ASB5: variants seen among roughly 807,000 people sequenced by gnomAD.
The protein encoded by ASB5 is ankyrin repeat and SOCS box protein 5.
In ASB5, 45 loss-of-function variants were observed where a neutral mutation model predicts 42.1. The observed-to-expected ratio is 1.07, with a 90% CI of 0.84 to 1.37. The LOEUF is 1.37. ASB5 is among the 40% of genes most tolerant of loss of function. ASB5 has a pLI of 0.00. For missense variants in ASB5, 402 were observed against 399.8 expected (o/e 1.01, Z -0.05); for synonymous variants, 147 against 150.6 (o/e 0.98, Z 0.18).
At chr4:176,260,372 G>A (rs1754235684) in intron 1 of ASB5, among the ~76,000 whole-genome samples, 1 of 152,136 alleles carries the variant, frequency 6.6e-6, no homozygotes, top group Non-Finnish European at 1.5e-5. Context: ...GGTAACCAAT[G>A]AGGAATTGTA....
chr4:176,260,857 A>G (rs1754255450), intron 1 of ASB5, among the ~76,000 whole-genome samples: 1 of 151,964 alleles, frequency 6.6e-6, no homozygotes, highest in Non-Finnish European at 1.5e-5. Flanking sequence ...TTGTATTTTT[A>G]GTAGAGATGG....
Position 176,268,932 on chromosome 4 carries a change from A to C in ASB5, c.177T>G (p.Tyr59Ter). The change falls in exon 1 of 7, where the codon TAT becomes TAG. Residue 59 changes from tyrosine (Y) to a stop codon, truncating the protein, a stop_gained. Coordinates refer to ENST00000296525, the MANE Select transcript of ASB5 (RefSeq NM_080874.4). LOFTEE classifies it high-confidence loss of function. Reference sequence around the variant, plus strand: ...ACATACCTTGTCCTTGGGTTACTCCATAAAATTCAGCTGCTATCCTTGCCG... The same window carrying C: ...ACATACCTTGTCCTTGGGTTACTCCCTAAAATTCAGCTGCTATCCTTGCCG... Reference protein sequence around the residue: ...KEAARIAAEFYGVTQGQGSWA... With the variant: ...KEAARIAAEF 6.2e-7 allele frequency: 1 copy of C among 1,612,334 alleles called. No individual in the cohort carries two copies. Among genetic ancestry groups the C allele is most frequent in the Non-Finnish European group, 8.5e-7 (1 of 1,179,202 alleles).
intron 1 of ASB5, among the ~76,000 whole-genome samples, chr4:176,276,964 G>A (rs1455372165): frequency 1.3e-5 from 2 of 152,082 alleles, no homozygotes; most frequent in South Asian, 2.1e-4. Flanking sequence ...GGCAGGCAGG[G>A]CAAGGTCTTC....
intron 2 of ASB5, among the ~76,000 whole-genome samples, chr4:176,274,503 T>C (rs1056053373): frequency 1.3e-5 from 2 of 152,174 alleles, no homozygotes; most frequent in African/African-American, 4.8e-5. Context: ...ATTATACATC[T>C]TGAAGTGGAA....
At chr4:176,268,438 T>C (rs1754402266) in intron 1 of ASB5, among the ~76,000 whole-genome samples, 1 of 152,182 alleles carries the variant, frequency 6.6e-6, no homozygotes, top group Non-Finnish European at 1.5e-5. Context: ...CTTATTAAAG[T>C]TGTGAGAAAC....
intron 1 of ASB5, among the ~76,000 whole-genome samples, chr4:176,268,384 A>C (rs1579337956): frequency 6.6e-6 from 1 of 152,182 alleles, no homozygotes; most frequent in African/African-American, 2.4e-5. Flanking sequence ...ACATGTCGTC[A>C]ATCTTCTTTG....
chr4:176,253,250 T>C (rs971762479), intron 1 of ASB5, among the ~76,000 whole-genome samples: 2 of 152,220 alleles, frequency 1.3e-5, no homozygotes, highest in Non-Finnish European at 2.9e-5. Context: ...CTAAAAAATG[T>C]ACATTTATAA....
intron 3 of ASB5, among the ~76,000 whole-genome samples, chr4:176,222,064 T>C (rs1753229411): frequency 6.6e-6 from 1 of 152,226 alleles, no homozygotes; most frequent in African/African-American, 2.4e-5. Flanking sequence ...GATTGCTATT[T>C]ACAGTCATGA....
rs78805111 is a variant in ASB5, at chr4:176,256,384, C to A, written c.196+12529G>T. 7.9e-3 allele frequency among the ~76,000 whole-genome samples: 1,201 copies of A among 152,236 alleles called. 22 individuals are homozygous for A. The highest frequency in any genetic ancestry group is 0.027 in the African/African-American group (1,133 of 41,540). On this transcript the variant is annotated intron_variant, in intron 1 of 6. Transcript: ENST00000296525. Reference sequence around the variant, plus strand: ...TGTTTTATTATTTTCTCATTGGAGGCTTAGCCACCTTCAGACAGGCTTTGC... The same window carrying A: ...TGTTTTATTATTTTCTCATTGGAGGATTAGCCACCTTCAGACAGGCTTTGC...
At chr4:176,236,566 T>C (rs909385631) in intron 1 of ASB5, among the ~76,000 whole-genome samples, 4 of 152,220 alleles carry the variant, frequency 2.6e-5, no homozygotes, top group African/African-American at 4.8e-5. Context: ...AAAGAAATTA[T>C]AGTGTTTTAG....
chr4:176,247,484 C>A (rs554189342), intron 1 of ASB5, among the ~76,000 whole-genome samples: 1 of 152,232 alleles, frequency 6.6e-6, no homozygotes, highest in East Asian at 1.9e-4. Context: ...AGGTCCAGAG[C>A]AATGTAATTG....
chr4:176,240,643 A>T (rs1316220189), intron 1 of ASB5, among the ~76,000 whole-genome samples: 1 of 152,222 alleles, frequency 6.6e-6, no homozygotes, highest in East Asian at 1.9e-4. Flanking sequence ...GTTTTCAAGA[A>T]ATTCTGAAAA....
chr4:176,253,026 GT>G (rs1754074036), intron 1 of ASB5, among the ~76,000 whole-genome samples: 1 of 152,140 alleles, frequency 6.6e-6, no homozygotes, highest in Admixed American at 6.6e-5. Context: ...GCATGTTCAG[GT>G]CAAAGCCTAG....
chr4:176,273,013 G>C (rs1754499435), upstream of ASB5, among the ~76,000 whole-genome samples: 1 of 138,070 alleles, frequency 7.2e-6, no homozygotes, highest in African/African-American at 2.7e-5. Flanking sequence ...GCAGTGTCAT[G>C]ATGACAGCTC....
At chr4:176,259,156 G>A (rs1486039693) in intron 1 of ASB5, among the ~76,000 whole-genome samples, 1 of 152,002 alleles carries the variant, frequency 6.6e-6, no homozygotes, top group East Asian at 1.9e-4. Flanking sequence ...TTAGTTCTTG[G>A]AGTTACAATG....
At chr4:176,260,582 T>C (rs1313744520) in intron 1 of ASB5, among the ~76,000 whole-genome samples, 1 of 152,230 alleles carries the variant, frequency 6.6e-6, no homozygotes, top group South Asian at 2.1e-4. Flanking sequence ...TGGTCTGCTT[T>C]GTAGCATTGC....
chr4:176,215,681 G>A lies in ASB5; in HGVS notation c.909C>T (p.Ser303=). 1 of 1,613,024 alleles carries A rather than the reference G, an allele frequency of 6.2e-7. No homozygotes were observed. Among genetic ancestry groups the A allele is most frequent in the African/African-American group, 1.3e-5 (1 of 75,008 alleles). ...LYQLCRLCIR[S]YIGKPRLHLI... is the part of the protein sequence containing the mutation. The stretch of plus-strand genomic sequence containing the variant: ...GGTGCAATCTTGGTTTTCCTATGTA[G>A]CTTCGGATACAGAGTCGGCAAAGTT... The change falls in exon 7 of 7, where the codon AGC becomes AGT. Residue 303 remains serine, a synonymous_variant. Coordinates refer to ENST00000296525, the MANE Select transcript of ASB5 (RefSeq NM_080874.4).
At chr4:176,248,001 G>T (rs1753945195) in intron 1 of ASB5, among the ~76,000 whole-genome samples, 1 of 152,158 alleles carries the variant, frequency 6.6e-6, no homozygotes, top group South Asian at 2.1e-4. Context: ...AAAATATTTG[G>T]CGAGCACATT....
At chr4:176,227,132 C>T (rs982178490) in intron 1 of ASB5, among the ~76,000 whole-genome samples, 1 of 152,184 alleles carries the variant, frequency 6.6e-6, no homozygotes, top group Non-Finnish European at 1.5e-5. Flanking sequence ...GGAGTTAGAC[C>T]ATATGACTCT....
Sources: allele counts gnomAD v4.1 joint callset (sites outside exome capture counted in the v4.1 genomes callset), GRCh38; gene constraint gnomAD v4.1.1; transcripts MANE v1.5; gene names NCBI Gene and HGNC (gene_info 2026-07-23, HGNC 2026-07-21).